Variants in TANC2 observed in about 807,000 individuals in gnomAD.
TANC2 encodes protein TANC2.
In TANC2, 26 loss-of-function variants were observed where a neutral mutation model predicts 210.5. That is an observed-to-expected ratio of 0.12 (90% CI 0.09 to 0.17). TANC2 has a LOEUF of 0.17. Ranked by LOEUF, TANC2 falls within the 10% of genes least tolerant of loss-of-function variation. The probability of loss-of-function intolerance (pLI) is 1.00; values close to 1 mark genes in which losing one functional copy is unlikely to be tolerated. For synonymous variants in TANC2, 931 were observed against 967.1 expected (o/e 0.96, Z 0.69); for missense variants, 2,129 against 2,608.9 (o/e 0.82, Z 4.01).
chr17:63,003,454 G>A (rs2143746286), intron 1 of TANC2, among the ~76,000 whole-genome samples: 2 of 152,290 alleles, frequency 1.3e-5, no homozygotes, highest in Non-Finnish European at 2.9e-5. Context: ...AACCAGGGTG[G>A]CTGCTAATTG....
At chr17:63,330,274 CAT>C (rs1168681112) in intron 11 of TANC2, among the ~76,000 whole-genome samples, 1 of 152,166 alleles carries the variant, frequency 6.6e-6, no homozygotes, top group African/African-American at 2.4e-5. Flanking sequence ...ATCTCCATAA[CAT>C]AAAAGTGCAA....
At chr17:63,328,543 A>G (rs1160671229) in intron 11 of TANC2, among the ~76,000 whole-genome samples, 1 of 152,060 alleles carries the variant, frequency 6.6e-6, no homozygotes, top group Non-Finnish European at 1.5e-5. Flanking sequence ...CAGAAAGACA[A>G]ATACTGCATG....
chr17:63,344,422 T>A (rs929105039), intron 12 of TANC2, among the ~76,000 whole-genome samples: 1 of 152,116 alleles, frequency 6.6e-6, no homozygotes, highest in South Asian at 2.1e-4. Context: ...TCCCCTAAGG[T>A]CAAGAGCAAG....
chr17:63,233,876 A>G (rs1292599012), intron 7 of TANC2, among the ~76,000 whole-genome samples: 1 of 152,254 alleles, frequency 6.6e-6, no homozygotes, highest in Admixed American at 6.5e-5. Flanking sequence ...TTGGTCGACA[A>G]GAGTATTCTC....
At chr17:63,314,535 T>C in exon 10 of TANC2, 3 of 1,614,000 alleles carry the variant, frequency 1.9e-6, no homozygotes, top group Non-Finnish European at 2.5e-6. Flanking sequence ...AATGCCAGCG[T>C]GAACCAAGGA....
At chr17:63,394,880 G>C (rs1389926004) in intron 17 of TANC2, among the ~76,000 whole-genome samples, 6 of 152,138 alleles carry the variant, frequency 3.9e-5, no homozygotes, top group African/African-American at 7.2e-5. Context: ...TATATTTACT[G>C]TCTTATTCAC....
At chr17:63,130,519 A>G (rs918614978) in intron 4 of TANC2, among the ~76,000 whole-genome samples, 11 of 152,096 alleles carry the variant, frequency 7.2e-5, no homozygotes, top group Non-Finnish European at 4.4e-5. Flanking sequence ...CTCACAAAAA[A>G]AAAAAAAAGA....
At chr17:63,057,076 C>T (rs1432129088) in intron 2 of TANC2, among the ~76,000 whole-genome samples, 1 of 152,020 alleles carries the variant, frequency 6.6e-6, no homozygotes, top group Non-Finnish European at 1.5e-5. Flanking sequence ...GATCCTCCAG[C>T]CTCAGCATCT....
intron 7 of TANC2, among the ~76,000 whole-genome samples, chr17:63,212,684 A>T (rs1445021847): frequency 6.6e-6 from 1 of 152,144 alleles, no homozygotes; most frequent in Non-Finnish European, 1.5e-5. Flanking sequence ...CTCCCACTTC[A>T]GCCTCTCAAA....
intron 2 of TANC2, among the ~76,000 whole-genome samples, chr17:63,066,467 A>C (rs114632342): frequency 5.9e-5 from 9 of 152,184 alleles, no homozygotes; most frequent in African/African-American, 2.2e-4. Flanking sequence ...ATTGTAGTTC[A>C]AAAGCTAGGA....
At chr17:63,357,108 T>G (rs1598932257) in intron 14 of TANC2, among the ~76,000 whole-genome samples, 3 of 152,358 alleles carry the variant, frequency 2.0e-5, no homozygotes, top group South Asian at 4.1e-4. Flanking sequence ...GTTGTCAATA[T>G]TTAATACAAA....
At chr17:63,029,625 T>C (rs1314841662) in intron 2 of TANC2, among the ~76,000 whole-genome samples, 2 of 152,162 alleles carry the variant, frequency 1.3e-5, no homozygotes, top group Non-Finnish European at 2.9e-5. Flanking sequence ...AAAGAACTTA[T>C]GGCTGCCTCC....
At chr17:63,019,035 T>G (rs1003986586) in intron 2 of TANC2, among the ~76,000 whole-genome samples, 1 of 152,210 alleles carries the variant, frequency 6.6e-6, no homozygotes, top group Non-Finnish European at 1.5e-5. Flanking sequence ...ATAAACATAA[T>G]TTTTTATTTC....
intron 25 of TANC2, 27 bp from the exon 26 acceptor site, chr17:63,415,501 T>C: frequency 6.2e-7 from 1 of 1,611,096 alleles, no homozygotes; most frequent in Non-Finnish European, 8.5e-7. Flanking sequence ...ACCAACTGTG[T>C]GTTTCGCCAT....
At chr17:63,373,560 TC>T (rs1481908214) in intron 14 of TANC2, among the ~76,000 whole-genome samples, 1 of 152,216 alleles carries the variant, frequency 6.6e-6, no homozygotes, top group African/African-American at 2.4e-5. Context: ...CTCTTTTACT[TC>T]CTAGGCATGC....
chr17:63,212,201 T>A (rs2041908345), intron 7 of TANC2, among the ~76,000 whole-genome samples: 1 of 152,190 alleles, frequency 6.6e-6, no homozygotes. Flanking sequence ...TTGGCAGTGC[T>A]TAGAGTGACT....
intron 4 of TANC2, among the ~76,000 whole-genome samples, chr17:63,144,288 G>C (rs1450804272): frequency 6.6e-6 from 1 of 152,132 alleles, no homozygotes; most frequent in Non-Finnish European, 1.5e-5. Flanking sequence ...ATGATAAATA[G>C]GGATAGGAAA....
intron 4 of TANC2, among the ~76,000 whole-genome samples, chr17:63,100,347 G>A (rs2037575069): frequency 6.6e-6 from 1 of 151,962 alleles, no homozygotes; most frequent in African/African-American, 2.4e-5. Flanking sequence ...CATAAATTAT[G>A]CCTCTTTACA....
chr17:63,212,711 C>T (rs993489922), intron 7 of TANC2, among the ~76,000 whole-genome samples: 5 of 152,198 alleles, frequency 3.3e-5, no homozygotes, highest in Admixed American at 3.3e-4. Flanking sequence ...GGATTATAGG[C>T]ATGAGCCACC....
Sources: gnomAD v4.1 joint callset for allele counts (sites outside exome capture counted in the v4.1 genomes callset) on GRCh38, gnomAD v4.1.1 for gene constraint, MANE v1.5 for transcripts, NCBI Gene and HGNC (gene_info 2026-07-23, HGNC 2026-07-21) for gene names.